Variants in PTPN12 observed in about 807,000 individuals in gnomAD.
PTPN12 encodes the protein tyrosine-protein phosphatase non-receptor type 12.
In PTPN12, 29 loss-of-function variants were observed where a neutral mutation model predicts 97.6. The observed-to-expected ratio is 0.30, with a 90% CI of 0.22 to 0.41. The LOEUF is 0.41. PTPN12 is among the 10% of genes least tolerant of loss of function. PTPN12 has a pLI of 1.00. For missense variants in PTPN12, 819 were observed against 926.0 expected, an observed-to-expected ratio of 0.88 and a Z score of 1.50; for synonymous variants, 327 against 300.4, an observed-to-expected ratio of 1.09 and a Z score of -0.91.
intron 9 of PTPN12, among the ~76,000 whole-genome samples, chr7:77,607,563 G>A (rs1482441050): frequency 3.9e-5 from 6 of 152,010 alleles, no homozygotes; most frequent in Admixed American, 1.3e-4. Context: ...GGAGACCCCC[G>A]TCTCTAAAAA....
At chr7:77,601,357 A>T (rs771555404) in intron 8 of PTPN12, among the ~76,000 whole-genome samples, 1 of 151,956 alleles carries the variant, frequency 6.6e-6, no homozygotes, top group Admixed American at 6.6e-5. Context: ...CACTGAACTA[A>T]TTTTTTTTAA....
At chr7:77,558,847 A>C (rs1380111040) in intron 1 of PTPN12, among the ~76,000 whole-genome samples, 2 of 152,254 alleles carry the variant, frequency 1.3e-5, no homozygotes, top group African/African-American at 2.4e-5. Context: ...CATCTCTACA[A>C]AACATTTTTA....
intron 2 of PTPN12, among the ~76,000 whole-genome samples, chr7:77,580,303 A>C (rs770755394): frequency 6.6e-6 from 1 of 152,194 alleles, no homozygotes; most frequent in African/African-American, 2.4e-5. Context: ...CTTCAGCCTG[A>C]GTGACAGAGT....
intron 2 of PTPN12, among the ~76,000 whole-genome samples, chr7:77,576,246 T>C (rs1330040893): frequency 6.6e-6 from 1 of 152,220 alleles, no homozygotes; most frequent in Non-Finnish European, 1.5e-5. Context: ...ATTGTATGAA[T>C]GATGAACATA....
chr7:77,621,098 T>TTTTATTTA (rs368653341), intron 12 of PTPN12, among the ~76,000 whole-genome samples: 2,729 of 151,678 alleles, frequency 0.018, 31 homozygotes, highest in Middle Eastern at 0.072. Flanking sequence ...TATATTTCAT[T>TTTTATTTA]TTTATTTATT....
chr7:77,593,426 G>C (rs1237503370), intron 6 of PTPN12, among the ~76,000 whole-genome samples: 1 of 152,154 alleles, frequency 6.6e-6, no homozygotes, highest in African/African-American at 2.4e-5. Flanking sequence ...ATGGAGGCTG[G>C]CCAGTCCAAA....
chr7:77,631,670 A>G (rs563718031), intron 13 of PTPN12, among the ~76,000 whole-genome samples: 4 of 152,350 alleles, frequency 2.6e-5, no homozygotes, highest in African/African-American at 7.2e-5. Flanking sequence ...TGTTTTTACT[A>G]GTGAAAAACC....
At chr7:77,637,945 AT>A (rs754842372) in intron 16 of PTPN12, among the ~76,000 whole-genome samples, 118 of 66,794 alleles carry the variant, frequency 1.8e-3, no homozygotes, top group Non-Finnish European at 2.8e-3. Context: ...ATTTCTTAAA[AT>A]TTTTTTTTTT....
chr7:77,563,504 T>C (rs1317630042), intron 1 of PTPN12, among the ~76,000 whole-genome samples: 2 of 152,202 alleles, frequency 1.3e-5, no homozygotes, highest in Non-Finnish European at 2.9e-5. Flanking sequence ...AGTACTACTA[T>C]CAGGAAAAAT....
intron 12 of PTPN12, among the ~76,000 whole-genome samples, chr7:77,624,266 C>G (rs1449560202): frequency 9.3e-6 from 1 of 107,018 alleles, no homozygotes; most frequent in Non-Finnish European, 2.0e-5. Context: ...GACCCTGTCT[C>G]AAAAAAAAAA....
At chr7:77,558,339 C>T (rs1807825852) in intron 1 of PTPN12, among the ~76,000 whole-genome samples, 1 of 152,026 alleles carries the variant, frequency 6.6e-6, no homozygotes, top group Non-Finnish European at 1.5e-5. Context: ...GGCAGTTTGG[C>T]CACTTCTAAT....
intron 6 of PTPN12, among the ~76,000 whole-genome samples, chr7:77,592,861 G>C (rs1787909885): frequency 6.6e-6 from 1 of 152,070 alleles, no homozygotes; most frequent in East Asian, 1.9e-4. Flanking sequence ...AAGGAAATAG[G>C]AGTAGGAAAA....
At chr7:77,594,154 T>C (rs1245809408) in intron 6 of PTPN12, among the ~76,000 whole-genome samples, 1 of 152,172 alleles carries the variant, frequency 6.6e-6, no homozygotes, top group Non-Finnish European at 1.5e-5. Flanking sequence ...AATTAACTAT[T>C]TGTGGGGTAA....
At position 77,561,054 on chromosome 7, in the gene PTPN12, A is replaced by C. The variant is rs1807974231; in HGVS notation, c.100-10024A>C. 2.0e-5 allele frequency among the ~76,000 whole-genome samples: 3 copies of C among 152,170 alleles called. No homozygotes were observed. The South Asian group carries it at 6.2e-4, about 32-fold the overall frequency. ...CCAGTTTCTCCATATCCTTGCCAAT[A>C]CCTGTTATTCTGGCTTGTTTTGTTT... On this transcript the variant is annotated intron_variant, in intron 1 of 17. Transcript: ENST00000248594.
In PTPN12 at chr7:77,571,185, A is replaced by C. The variant is rs765694045; in HGVS notation, c.207A>C (p.Pro69=). The part of the protein sequence containing the change: ...VKKNRYKDIL[P]FDHSRVKLTL... ...AGAACAGATACAAGGACATACTGCC[A>C]TGTAAGTTGGAAATGCCCTTGATAA... Residue 69 remains proline, a splice_region_variant and synonymous_variant, in exon 2 of 18, where the codon CCA becomes CCC. Coordinates refer to ENST00000248594, the MANE Select transcript of PTPN12 (RefSeq NM_002835.4). The C allele has an allele frequency of 3.2e-6, 5 of 1,565,492 alleles. No homozygotes were observed. The highest frequency in any genetic ancestry group is 4.4e-6 in the Non-Finnish European group (5 of 1,146,462).
At chr7:77,629,997 C>T (rs1789343026) in intron 13 of PTPN12, among the ~76,000 whole-genome samples, 1 of 150,280 alleles carries the variant, frequency 6.7e-6, no homozygotes, top group African/African-American at 2.4e-5. Context: ...TATGTGCCAG[C>T]TCATTTCTGT....
intron 13 of PTPN12, among the ~76,000 whole-genome samples, chr7:77,631,163 T>G (rs897183004): frequency 2.0e-5 from 3 of 152,166 alleles, no homozygotes; most frequent in Admixed American, 2.0e-4. Context: ...TGGTGATGAC[T>G]CAGACTACCA....
In PTPN12 at chr7:77,551,105, G is replaced by T. The variant is rs530684202; in HGVS notation, c.99+13460G>T. Among the ~76,000 whole-genome samples, 289 of 152,194 alleles carry T rather than the reference G, an allele frequency of 1.9e-3. 1 individual carries two copies. Among genetic ancestry groups the T allele is most frequent in the African/African-American group, 6.7e-3 (279 of 41,528 alleles). ...AGATGGAGTCTCGCTCTGTCACCCA[G>T]GCTGGGGTGCAGGGGCATGATCTCT... On this transcript the variant is annotated intron_variant, in intron 1 of 17. Transcript: ENST00000248594.
intron 11 of PTPN12, among the ~76,000 whole-genome samples, chr7:77,612,013 A>C (rs531879942): frequency 2.7e-5 from 4 of 147,412 alleles, no homozygotes; most frequent in African/African-American, 1.0e-4. Context: ...ATTTGTTTAC[A>C]TCTTTGTCAT....
Sources: allele counts gnomAD v4.1 joint callset (sites outside exome capture counted in the v4.1 genomes callset), GRCh38; gene constraint gnomAD v4.1.1; transcripts MANE v1.5; gene names NCBI Gene and HGNC (gene_info 2026-07-23, HGNC 2026-07-21).